Variants in TBC1D15 observed in about 807,000 individuals in gnomAD.
TBC1D15 encodes TBC1 domain family member 15, also known as GAP for RAB7.
Under a neutral mutation model 95.4 loss-of-function variants are expected in TBC1D15, and 39 were observed. That is an observed-to-expected ratio of 0.41 (90% CI 0.32 to 0.53). The LOEUF is 0.53. TBC1D15 is among the 20% of genes least tolerant of loss of function. TBC1D15 has a pLI of 0.29. For synonymous variants in TBC1D15, 258 were observed against 261.3 expected (o/e 0.99, Z 0.12); for missense variants, 733 against 794.3 (o/e 0.92, Z 0.93).
At chr12:71,888,820 A>G (rs1055595630) in intron 5 of TBC1D15, among the ~76,000 whole-genome samples, 1 of 151,006 alleles carries the variant, frequency 6.6e-6, no homozygotes, top group African/African-American at 2.4e-5. Flanking sequence ...ATGTGAAGCC[A>G]TAGAATGTTC....
At chr12:71,844,258 C>A (rs773932513) in intron 1 of TBC1D15, among the ~76,000 whole-genome samples, 2 of 152,162 alleles carry the variant, frequency 1.3e-5, no homozygotes, top group Non-Finnish European at 2.9e-5. Context: ...TTTCTAGTTG[C>A]GTTTGTCTGT....
At chr12:71,894,976 C>G in intron 7 of TBC1D15, 93 bp downstream of exon 7, 1 of 1,221,490 alleles carries the variant, frequency 8.2e-7, no homozygotes, top group East Asian at 2.5e-5. Context: ...ATATCTGCTT[C>G]TTTCCATAAT....
chr12:71,890,638 C>T (rs898148598), intron 5 of TBC1D15, among the ~76,000 whole-genome samples: 2 of 152,076 alleles, frequency 1.3e-5, no homozygotes, highest in Non-Finnish European at 2.9e-5. Context: ...GGCTCACAAG[C>T]GCCAGGAAGA....
chr12:71,851,942 A>T (rs1185062739), intron 1 of TBC1D15, among the ~76,000 whole-genome samples: 1 of 152,152 alleles, frequency 6.6e-6, no homozygotes, highest in Non-Finnish European at 1.5e-5. Context: ...CAGCTCCACT[A>T]GGCAGTGCTC....
At chr12:71,905,610 G>A (rs540089222) in intron 10 of TBC1D15, among the ~76,000 whole-genome samples, 1 of 152,270 alleles carries the variant, frequency 6.6e-6, no homozygotes, top group Admixed American at 6.5e-5. Flanking sequence ...ATAGGCATGA[G>A]CCACTGTACC....
chr12:71,901,700 C>A (rs558092648), intron 10 of TBC1D15, among the ~76,000 whole-genome samples: 31 of 152,218 alleles, frequency 2.0e-4, no homozygotes, highest in African/African-American at 7.2e-4. Flanking sequence ...AGAACCAGAA[C>A]AAGACAAGGA....
At chr12:71,894,609 C>CT (rs1897822000) in intron 6 of TBC1D15, 77 bp from the exon 7 acceptor site, 2 of 1,327,778 alleles carry the variant, frequency 1.5e-6, no homozygotes, top group Non-Finnish European at 1.0e-6. Flanking sequence ...AAAAGCTTTG[C>CT]TTTTTTGCTC....
intron 1 of TBC1D15, among the ~76,000 whole-genome samples, chr12:71,858,969 ATT>A (rs35114715): frequency 1.2e-4 from 17 of 137,286 alleles, no homozygotes; most frequent in Admixed American, 7.9e-4. Flanking sequence ...CCTCACCAGC[ATT>A]TTTTTTTTTT....
rs370400987 is a variant in TBC1D15 at position 71,894,228 on chromosome 12, A to G, written c.658-458A>G. ...ATATAATTAGATTAAAATGTCAACT[A>G]ATATTTAAATATGAGTTTTTAAATT... On this transcript the variant is annotated intron_variant, in intron 6 of 16. Transcript: ENST00000485960. 4.3e-6 allele frequency: 4 copies of G among 927,978 alleles called. No individual in the cohort carries two copies. In the South Asian group the frequency reaches 4.5e-5, roughly 11 times the overall value. The allele number at this position is 927,978 out of a possible 1,614,324, so 57.5% of individuals were successfully genotyped here.
chr12:71,841,522 GT>G (rs1885006558), intron 1 of TBC1D15, among the ~76,000 whole-genome samples: 1 of 152,118 alleles, frequency 6.6e-6, no homozygotes, highest in South Asian at 2.1e-4. Context: ...TTCAGATCTG[GT>G]TTAATGGCAT....
chr12:71,880,406 G>T, intron 3 of TBC1D15, 63 bp from the exon 4 acceptor site: 1 of 1,400,806 alleles, frequency 7.1e-7, no homozygotes, highest in Non-Finnish European at 9.7e-7. Context: ...AAGCTAAGAT[G>T]ATATGGATTG....
chr12:71,905,505 T>G (rs1233961892), intron 10 of TBC1D15, among the ~76,000 whole-genome samples: 2 of 152,112 alleles, frequency 1.3e-5, no homozygotes, highest in African/African-American at 2.4e-5. Context: ...TTTGTATTTT[T>G]TGTAGAGACA....
intron 3 of TBC1D15, among the ~76,000 whole-genome samples, chr12:71,873,787 CT>C (rs753707424): frequency 2.8e-4 from 43 of 152,278 alleles, no homozygotes; most frequent in South Asian, 1.7e-3. Context: ...TTTCCTAGGG[CT>C]ACTGTAAACA....
chr12:71,868,254 T>A, intron 1 of TBC1D15, among the ~76,000 whole-genome samples: 1 of 150,658 alleles, frequency 6.6e-6, no homozygotes, highest in East Asian at 1.9e-4. Context: ...TTTTTTTTTT[T>A]TTTTTTCTCG....
chr12:71,889,441 C>A (rs1896840563), intron 5 of TBC1D15, among the ~76,000 whole-genome samples: 1 of 152,092 alleles, frequency 6.6e-6, no homozygotes, highest in Non-Finnish European at 1.5e-5. Flanking sequence ...ATAAGTGCTC[C>A]CTCCCTATTC....
intron 1 of TBC1D15, among the ~76,000 whole-genome samples, chr12:71,867,769 G>A (rs575006368): frequency 2.6e-5 from 4 of 152,190 alleles, no homozygotes; most frequent in African/African-American, 7.2e-5. Flanking sequence ...GATTACAGGC[G>A]TGAGCCACCG....
chr12:71,862,552 C>T (rs764165325), intron 1 of TBC1D15, among the ~76,000 whole-genome samples: 16 of 152,142 alleles, frequency 1.1e-4, no homozygotes, highest in Non-Finnish European at 1.9e-4. Context: ...GTGAGTTTCT[C>T]GTTAGCAGCA....
intron 1 of TBC1D15, among the ~76,000 whole-genome samples, chr12:71,844,319 C>G (rs902253178): frequency 3.3e-5 from 5 of 152,164 alleles, no homozygotes; most frequent in Non-Finnish European, 5.9e-5. Context: ...CTTATGCAGC[C>G]CTTTATGATC....
chr12:71,898,231 TA>T (rs1207840873), intron 10 of TBC1D15, among the ~76,000 whole-genome samples: 3 of 152,100 alleles, frequency 2.0e-5, no homozygotes, highest in Non-Finnish European at 2.9e-5. Context: ...ATTTCATTTT[TA>T]AAAAACTTTA....
Sources: gnomAD v4.1 joint callset for allele counts (sites outside exome capture counted in the v4.1 genomes callset) on GRCh38, gnomAD v4.1.1 for gene constraint, MANE v1.5 for transcripts, NCBI Gene and HGNC (gene_info 2026-07-23, HGNC 2026-07-21) for gene names.